GLI2: variants seen among roughly 807,000 people sequenced by gnomAD.
The protein encoded by GLI2 is transcription activator GLI2.
GLI2 carries 22 observed loss-of-function variants against 78.9 expected under a neutral mutation model. That is an observed-to-expected ratio of 0.28 (90% CI 0.20 to 0.40). The LOEUF (loss-of-function observed/expected upper bound fraction) is 0.40, where lower values mean the gene tolerates loss of function less well. GLI2 is among the 10% of genes least tolerant of loss of function. The pLI is 1.00. For synonymous variants in GLI2, 974 were observed against 963.7 expected, an observed-to-expected ratio of 1.01 and a Z score of -0.20; for missense variants, 2,097 against 2,213.2, an observed-to-expected ratio of 0.95 and a Z score of 1.05.
Position 120,988,642 on chromosome 2 carries a change from C to T in GLI2, c.2677C>T (p.Arg893Cys), listed in dbSNP as rs1342106193. 12 of 1,432,882 alleles carry T rather than the reference C, an allele frequency of 8.4e-6. No individual in the cohort carries two copies. The African/African-American group carries it at 1.1e-4, about 13-fold the overall frequency. 88.8% of individuals were successfully genotyped at this position (1,432,882 alleles called of 1,614,324 possible). ...PPPTPLPGLE[R>C]MSLRTRLALL... Reference sequence around the variant, plus strand: ...GCCCACTCCGCTGCCGGGCCTGGAGCGCATGAGCCTGCGGACCAGGCTGGC... The same window carrying T: ...GCCCACTCCGCTGCCGGGCCTGGAGTGCATGAGCCTGCGGACCAGGCTGGC... The change falls in exon 14 of 14, where the codon CGC becomes TGC. Residue 893 changes from arginine (R) to cysteine (C), a missense_variant. By Grantham distance (180) the Arg-to-Cys change is radical. Transcript: ENST00000361492.
chr2:120,961,128 G>A (rs182967163), intron 5 of GLI2, among the ~76,000 whole-genome samples: 3 of 152,182 alleles, frequency 2.0e-5, no homozygotes, highest in Non-Finnish European at 4.4e-5. Flanking sequence ...AGAAGATTGA[G>A]ATGTTTCCGA....
chr2:120,833,936 G>A (rs1487155411), intron 2 of GLI2, among the ~76,000 whole-genome samples: 1 of 152,186 alleles, frequency 6.6e-6, no homozygotes, highest in African/African-American at 2.4e-5. Context: ...TAGTGGGTCT[G>A]TCATTGGCTT....
At chr2:120,886,300 G>C (rs1380741644) in intron 2 of GLI2, among the ~76,000 whole-genome samples, 2 of 151,344 alleles carry the variant, frequency 1.3e-5, no homozygotes, top group Admixed American at 6.6e-5. Flanking sequence ...GGGTCTTGCT[G>C]TTTGCCCAGG....
intron 1 of GLI2, among the ~76,000 whole-genome samples, chr2:120,760,784 T>C (rs536347000): frequency 3.8e-4 from 58 of 152,280 alleles, no homozygotes; most frequent in African/African-American, 1.4e-3. Flanking sequence ...CTTGCAAAAA[T>C]CAAAACAAAA....
intron 1 of GLI2, among the ~76,000 whole-genome samples, chr2:120,744,478 G>C (rs1373591705): frequency 6.6e-6 from 1 of 152,182 alleles, no homozygotes; most frequent in Non-Finnish European, 1.5e-5. Flanking sequence ...GTTGGAACAG[G>C]ATTGTAGAGT....
chr2:120,842,058 C>G (rs1328609994), intron 2 of GLI2, among the ~76,000 whole-genome samples: 1 of 74,528 alleles, frequency 1.3e-5, no homozygotes, highest in Non-Finnish European at 3.0e-5. Context: ...TTTGTCAACT[C>G]AAAAAAAAAA....
rs116235328 is a variant in GLI2 at position 120,837,826 on chromosome 2, G to A, written c.148+40358G>A. Among the ~76,000 whole-genome samples, 1,460 of 151,990 alleles carry A rather than the reference G, an allele frequency of 9.6e-3. 14 individuals are homozygous for A. Among genetic ancestry groups the A allele is most frequent in the African/African-American group, 0.033 (1,369 of 41,442 alleles). On this transcript the variant is annotated intron_variant, in intron 2 of 13. Transcript: ENST00000361492. ...TCCTTGCATATGTAGCTCTGTTTCC[G>A]GGCTCCCTACTTTGTTCCTTTGGTC...
At chr2:120,855,944 A>G (rs1687623616) in intron 2 of GLI2, among the ~76,000 whole-genome samples, 1 of 152,174 alleles carries the variant, frequency 6.6e-6, no homozygotes, top group Admixed American at 6.5e-5. Flanking sequence ...TACCCTATTT[A>G]AAACACCAGC....
At chr2:120,872,895 CATTA>C in intron 2 of GLI2, among the ~76,000 whole-genome samples, 1 of 152,294 alleles carries the variant, frequency 6.6e-6, no homozygotes, top group East Asian at 1.9e-4. Flanking sequence ...AAACTCGAAA[CATTA>C]ATTAGTCACT....
intron 3 of GLI2, among the ~76,000 whole-genome samples, chr2:120,950,736 C>A (rs1680939133): frequency 6.6e-6 from 1 of 152,266 alleles, no homozygotes; most frequent in Admixed American, 6.5e-5. Context: ...AACCATCCAA[C>A]TGAAGCCAGA....
rs1323217283 is a variant in GLI2, at chr2:120,918,462, A to G, written c.149-8899A>G. 2.0e-4 allele frequency among the ~76,000 whole-genome samples: 26 copies of G among 132,024 alleles called. No individual in the cohort carries two copies. The Admixed American group carries it at 2.1e-3, about 11-fold the overall frequency. The allele number at this position is 132,024 out of a possible 152,430, so 86.6% of individuals were successfully genotyped here. On this transcript the variant is annotated intron_variant, in intron 2 of 13. Transcript: ENST00000361492. ...TCTTTTTTTTTTTTTTTTTTTGGAT[A>G]TGGAGCCTCTCTCTGTCTCCCAGGC...
chr2:120,846,005 G>C (rs542026122), intron 2 of GLI2, among the ~76,000 whole-genome samples: 7 of 152,184 alleles, frequency 4.6e-5, no homozygotes, highest in African/African-American at 1.7e-4. Context: ...ATCTGGGTCT[G>C]TAACTGGACA....
intron 2 of GLI2, among the ~76,000 whole-genome samples, chr2:120,840,305 C>A (rs150262439): frequency 6.6e-6 from 1 of 152,172 alleles, no homozygotes; most frequent in South Asian, 2.1e-4. Flanking sequence ...TTTTATATTA[C>A]CCATGTTTCT....
At chr2:120,843,579 G>C (rs1686979201) in intron 2 of GLI2, among the ~76,000 whole-genome samples, 1 of 152,210 alleles carries the variant, frequency 6.6e-6, no homozygotes, top group South Asian at 2.1e-4. Flanking sequence ...TTTGGTTAAG[G>C]TCTGTGTAGT....
At chr2:120,795,595 T>C (rs746882107) in intron 1 of GLI2, among the ~76,000 whole-genome samples, 2 of 151,364 alleles carry the variant, frequency 1.3e-5, no homozygotes, top group African/African-American at 2.4e-5. Context: ...TGGATTTAGC[T>C]GAGGGCCCCG....
At chr2:120,924,502 C>A (rs1462409922) in intron 2 of GLI2, among the ~76,000 whole-genome samples, 1 of 151,776 alleles carries the variant, frequency 6.6e-6, no homozygotes, top group African/African-American at 2.4e-5. Flanking sequence ...ACACTAGTTG[C>A]ATCAGGGGGC....
chr2:120,831,780 C>T (rs1686371701), intron 2 of GLI2, among the ~76,000 whole-genome samples: 1 of 152,166 alleles, frequency 6.6e-6, no homozygotes, highest in Admixed American at 6.5e-5. Context: ...CCCAACTCTC[C>T]AGGCCTCAGT....
At chr2:120,772,585 G>A (rs1018742529) in intron 1 of GLI2, among the ~76,000 whole-genome samples, 5 of 152,266 alleles carry the variant, frequency 3.3e-5, no homozygotes, top group Non-Finnish European at 4.4e-5. Flanking sequence ...TTCGGGCCTG[G>A]CCATAGGCCC....
At chr2:120,849,282 T>C (rs996181754) in intron 2 of GLI2, among the ~76,000 whole-genome samples, 3 of 152,366 alleles carry the variant, frequency 2.0e-5, no homozygotes, top group African/African-American at 7.2e-5. Context: ...TTGATGCCAC[T>C]GAACTGTACA....
Sources: gnomAD v4.1 joint callset for allele counts (sites outside exome capture counted in the v4.1 genomes callset) on GRCh38, gnomAD v4.1.1 for gene constraint, MANE v1.5 for transcripts, NCBI Gene and HGNC (gene_info 2026-07-23, HGNC 2026-07-21) for gene names.